U2SURP: variants seen among roughly 807,000 people sequenced by gnomAD.
U2SURP encodes U2 snRNP associated SURP domain containing.
Under a neutral mutation model 144.9 loss-of-function variants are expected in U2SURP, and 9 were observed. The ratio of observed to expected loss-of-function variants is 0.06; its 90% confidence interval spans 0.04 to 0.11. The LOEUF is 0.11. U2SURP is among the 10% of genes least tolerant of loss of function. U2SURP has a pLI of 1.00. For missense variants in U2SURP, 724 were observed against 1,226.7 expected (o/e 0.59, Z 6.12); for synonymous variants, 408 against 396.8 (o/e 1.03, Z -0.33).
At chr3:143,045,918 C>T (rs1474091244) in intron 24 of U2SURP, among the ~76,000 whole-genome samples, 1 of 152,210 alleles carries the variant, frequency 6.6e-6, no homozygotes, top group Non-Finnish European at 1.5e-5. Context: ...GACTAGAACT[C>T]GGAGCTCATG....
intron 1 of U2SURP, among the ~76,000 whole-genome samples, chr3:143,003,673 A>ATTTCTTTTTTTTTTTTTTTT (rs1935656967): frequency 1.2e-5 from 1 of 81,942 alleles, no homozygotes; most frequent in Non-Finnish European, 2.5e-5. Flanking sequence ...TATTTATTTT[A>ATTTCTTTTTTTTTTTTTTTT]TTTCTTTTTT....
rs114949211 is a variant in U2SURP at position 143,027,613 on chromosome 3, C to T, written c.1379+360C>T. ...GATTCATCTGTATTATAGCATGTAT[C>T]GGGATTTCCTTTTTTAAGGCCAAAT... On this transcript the variant is annotated intron_variant, in intron 14 of 27. Coordinates refer to ENST00000473835, the MANE Select transcript of U2SURP (RefSeq NM_001080415.2). 9.0e-3 allele frequency among the ~76,000 whole-genome samples: 1,365 copies of T among 152,192 alleles called. 13 individuals carry two copies. Among genetic ancestry groups the T allele is most frequent in the African/African-American group, 0.031 (1,276 of 41,512 alleles).
At chr3:143,029,838 T>C (rs186587461) in intron 16 of U2SURP, among the ~76,000 whole-genome samples, 1 of 152,184 alleles carries the variant, frequency 6.6e-6, no homozygotes, top group Non-Finnish European at 1.5e-5. Context: ...ACATGAATGA[T>C]GAGGAAGCAA....
In U2SURP at chr3:143,041,573, A is replaced by G. The variant is rs148555509; in HGVS notation, c.2385-1544A>G. Among the ~76,000 whole-genome samples the G allele has an allele frequency of 2.4e-4, 36 of 152,080 alleles. 1 individual carries two copies. The East Asian group carries it at 6.9e-3, about 29-fold the overall frequency. Reference sequence around the variant, plus strand: ...CTAGTATCAGAGTTTTCTCAGTACCATATCTTTTCTGATTCTGAATTGACA... The same window carrying G: ...CTAGTATCAGAGTTTTCTCAGTACCGTATCTTTTCTGATTCTGAATTGACA... On this transcript the variant is annotated intron_variant, in intron 23 of 27. Transcript: ENST00000473835.
chr3:143,022,474 A>T, intron 10 of U2SURP, 23 bp from the exon 11 acceptor site: 2 of 1,450,886 alleles, frequency 1.4e-6, no homozygotes, highest in Non-Finnish European at 1.8e-6. Flanking sequence ...TGCATAATAA[A>T]AATCTTTTAC....
intron 24 of U2SURP, among the ~76,000 whole-genome samples, chr3:143,050,085 T>C (rs1306275358): frequency 6.6e-6 from 1 of 152,112 alleles, no homozygotes; most frequent in South Asian, 2.1e-4. Flanking sequence ...TTTTTTTTTT[T>C]ATTTTAGACG....
intron 3 of U2SURP, among the ~76,000 whole-genome samples, chr3:143,013,813 C>T (rs1936230158): frequency 6.6e-6 from 1 of 151,884 alleles, no homozygotes; most frequent in African/African-American, 2.4e-5. Flanking sequence ...TCATAAATAT[C>T]AGTATTATTG....
At chr3:143,024,534 T>C in intron 13 of U2SURP, 1 of 435,886 alleles carries the variant, frequency 2.3e-6, no homozygotes, top group South Asian at 1.7e-5. Flanking sequence ...AAACTTTCTT[T>C]TCATGGTAAC....
At chr3:143,016,080 C>G (rs914356585) in intron 4 of U2SURP, among the ~76,000 whole-genome samples, 177 bp from the exon 5 acceptor site, 1 of 152,184 alleles carries the variant, frequency 6.6e-6, no homozygotes, top group East Asian at 1.9e-4. Flanking sequence ...AGCAAAGCCT[C>G]TCTTGGTTTC....
chr3:143,023,669 AATT>A (rs1932964926), intron 12 of U2SURP, among the ~76,000 whole-genome samples: 1 of 152,234 alleles, frequency 6.6e-6, no homozygotes, highest in Non-Finnish European at 1.5e-5. Context: ...GCAAACAGTT[AATT>A]ATTTCACAAA....
At position 143,053,784 on chromosome 3, in the gene U2SURP, A is replaced by C. The variant is rs1377411302; in HGVS notation, c.2764A>C (p.Arg922=). 4 of 1,590,156 alleles carry C rather than the reference A, an allele frequency of 2.5e-6. No homozygotes were observed. In the Admixed American group the frequency reaches 5.6e-5, roughly 22 times the overall value. ...KKEKDECTPT[R]KERKRRHSTS... The stretch of plus-strand genomic sequence containing the variant: ...GGAAAAAGATGAGTGTACTCCGACA[A>C]GGAAGGAAAGGTATAACATTTCTCA... The change falls in exon 26 of 28, where the codon AGG becomes CGG. Residue 922 remains arginine (R), a synonymous_variant. Transcript: ENST00000473835.
At chr3:143,013,016 G>T (rs1936193442) in intron 3 of U2SURP, among the ~76,000 whole-genome samples, 1 of 151,894 alleles carries the variant, frequency 6.6e-6, no homozygotes, top group South Asian at 2.1e-4. Context: ...ATTTTTATAA[G>T]AATCCGTTTT....
chr3:143,016,764 T>C, intron 5 of U2SURP, 78 bp from the exon 6 acceptor site: 1 of 1,288,940 alleles, frequency 7.8e-7, no homozygotes. Context: ...ATTTTACTAA[T>C]TTTTACTTGT....
Position 143,012,312 on chromosome 3 carries a change from C to G in U2SURP, c.181C>G (p.Arg61Gly), listed in dbSNP as rs756336065. ...RKHNYRNESARESLCDSPHQN... is the reference protein window; with the variant it reads ...RKHNYRNESAGESLCDSPHQN... ...ACATAATTATAGGAATGAAAGTGCCCGTGAAAGCCTTTGTGATTCTCCTCA... is the reference window on the plus strand; with the variant it reads ...ACATAATTATAGGAATGAAAGTGCCGGTGAAAGCCTTTGTGATTCTCCTCA... The change falls in exon 3 of 28, where the codon CGT becomes GGT. Residue 61 changes from arginine (R) to glycine (G), a missense_variant. Physicochemically the swap from Arg to Gly is moderately radical, Grantham distance 125 (BLOSUM62 -2). Coordinates refer to ENST00000473835, the MANE Select transcript of U2SURP (RefSeq NM_001080415.2). The G allele has an allele frequency of 1.9e-5, 31 of 1,612,440 alleles. No homozygotes were observed. Among genetic ancestry groups the G allele is most frequent in the African/African-American group, 2.7e-5 (2 of 74,828 alleles).
In U2SURP at chr3:143,038,274, A is replaced by G. The variant is rs181639820; in HGVS notation, c.2317+71A>G. On this transcript the variant is annotated intron_variant, in intron 22 of 27. Coordinates refer to ENST00000473835, the MANE Select transcript of U2SURP (RefSeq NM_001080415.2). ...GTTAATTATTGGTGTGCTTGTATAT[A>G]TGTTTTCCTTTTATGTTTTATAACA... The G allele has an allele frequency of 1.3e-5, 15 of 1,167,192 alleles. No individual in the cohort carries two copies. The East Asian group carries it at 3.0e-4, about 23-fold the overall frequency. 72.3% of individuals were successfully genotyped at this position (1,167,192 alleles called of 1,614,324 possible).
At chr3:143,041,734 A>G (rs1934114380) in intron 23 of U2SURP, among the ~76,000 whole-genome samples, 1 of 152,018 alleles carries the variant, frequency 6.6e-6, no homozygotes, top group Admixed American at 6.5e-5. Flanking sequence ...TTCTACATGT[A>G]TATTAAAAGG....
intron 24 of U2SURP, among the ~76,000 whole-genome samples, chr3:143,047,094 G>A (rs1271323506): frequency 8.9e-6 from 1 of 112,812 alleles, no homozygotes; most frequent in Non-Finnish European, 1.8e-5. Context: ...CCGGGCAGAG[G>A]GGCTCCTCAC....
intron 17 of U2SURP, 134 bp downstream of exon 17, chr3:143,033,080 T>G (rs147502248): frequency 2.8e-6 from 3 of 1,067,828 alleles, no homozygotes; most frequent in African/African-American, 1.6e-5. Context: ...GCTTGGAAAT[T>G]TAGGTTCATT....
rs1935189282 is a variant in U2SURP at position 143,057,171 on chromosome 3, TC to T, written c.*723del. The T allele has an allele frequency of 6.6e-6, 1 of 152,454 alleles. No individual in the cohort carries two copies. The allele number at this position is 152,454 out of a possible 1,614,324, so 9.4% of individuals were successfully genotyped here. On this transcript the variant is annotated 3_prime_UTR_variant, in exon 28 of 28. Transcript: ENST00000473835. ...ACAGAAGCAATATGATTTCCATACA[TC>T]CAACCCATGTTCTGAGCAACTACTT...
Sources: gnomAD v4.1 joint callset for allele counts (sites outside exome capture counted in the v4.1 genomes callset) on GRCh38, gnomAD v4.1.1 for gene constraint, MANE v1.5 for transcripts, NCBI Gene and HGNC (gene_info 2026-07-23, HGNC 2026-07-21) for gene names.